Variants in PTPN14 observed in about 807,000 individuals in gnomAD.
The protein encoded by PTPN14 is protein tyrosine phosphatase non-receptor type 14, also known as tyrosine-protein phosphatase non-receptor type 14.
Under a neutral mutation model 126.8 loss-of-function variants are expected in PTPN14, and 53 were observed. That is an observed-to-expected ratio of 0.42 (90% confidence interval 0.34 to 0.53). The LOEUF (loss-of-function observed/expected upper bound fraction) is 0.53. PTPN14 is among the 20% of genes least tolerant of loss of function. The pLI is 0.08. For synonymous variants in PTPN14, 630 were observed against 599.3 expected (o/e 1.05, Z -0.75); for missense variants, 1,257 against 1,552.9 (o/e 0.81, Z 3.20).
intron 11 of PTPN14, 68 bp from the exon 12 acceptor site, chr1:214,386,990 C>T: frequency 7.1e-7 from 1 of 1,400,126 alleles, no homozygotes; most frequent in South Asian, 1.2e-5. Context: ...ACACAGCCGG[C>T]CCAGGCACAC....
intron 1 of PTPN14, among the ~76,000 whole-genome samples, chr1:214,467,757 G>A (rs1365269079): frequency 6.6e-6 from 1 of 152,148 alleles, no homozygotes; most frequent in Non-Finnish European, 1.5e-5. Flanking sequence ...TATCAGGAGC[G>A]ATGGCTTTAT....
chr1:214,428,909 G>C (rs1275350466), intron 3 of PTPN14, among the ~76,000 whole-genome samples: 3 of 152,050 alleles, frequency 2.0e-5, no homozygotes, highest in African/African-American at 7.2e-5. Context: ...AAAAAGATTG[G>C]GGAGAAAAAA....
At chr1:214,469,990 A>T (rs1361568402) in intron 1 of PTPN14, among the ~76,000 whole-genome samples, 2 of 152,198 alleles carry the variant, frequency 1.3e-5, no homozygotes, top group African/African-American at 4.8e-5. Flanking sequence ...AATACTACAA[A>T]GCTGCAACTC....
At chr1:214,547,676 T>C (rs985601456) in intron 1 of PTPN14, among the ~76,000 whole-genome samples, 4 of 152,220 alleles carry the variant, frequency 2.6e-5, no homozygotes, top group African/African-American at 9.6e-5. Context: ...TAACATTCTT[T>C]AATCAACTAG....
At chr1:214,358,217 G>A (rs1657870293) in intron 18 of PTPN14, among the ~76,000 whole-genome samples, 167 bp from the exon 19 acceptor site, 1 of 152,124 alleles carries the variant, frequency 6.6e-6, no homozygotes, top group Non-Finnish European at 1.5e-5. Context: ...GTTTATATCA[G>A]CAACTGGAGA....
chr1:214,392,481 TCA>T (rs1658779402), intron 10 of PTPN14, among the ~76,000 whole-genome samples: 2 of 152,168 alleles, frequency 1.3e-5, no homozygotes, highest in South Asian at 2.1e-4. Flanking sequence ...AATCCAGTTC[TCA>T]GTTTTTAAAT....
rs888754882 is a variant in PTPN14 at position 214,364,783 on chromosome 1, G to A, written c.3272-108C>T. ...TGATGGTGAGTGTGTGTGTGTGTGT[G>A]TGTGTGTGTGTGTGTGTGTGTGTTT... is the stretch of plus-strand genomic sequence containing the variant. On this transcript the variant is annotated intron_variant, in intron 17 of 18. Coordinates refer to ENST00000366956, the MANE Select transcript of PTPN14 (RefSeq NM_005401.5). The surrounding 1 kb of genome is among the most constrained non-coding windows in gnomAD (Gnocchi z 4.1). 15 of 849,400 alleles carry A rather than the reference G, an allele frequency of 1.8e-5. No homozygotes were observed. The highest frequency in any genetic ancestry group is 2.5e-5 in the Non-Finnish European group (14 of 559,814). 52.6% of individuals were successfully genotyped at this position (849,400 alleles called of 1,614,324 possible). A position where few individuals can be genotyped will look rare whatever the true frequency, so the allele number is the denominator to read the frequency against.
intron 7 of PTPN14, among the ~76,000 whole-genome samples, chr1:214,400,026 T>A (rs534912735): frequency 8.0e-6 from 1 of 124,646 alleles, no homozygotes; most frequent in African/African-American, 3.4e-5. Flanking sequence ...CTGTACAACA[T>A]CTGCATCTGC....
At chr1:214,388,840 A>G (rs562634197) in intron 11 of PTPN14, among the ~76,000 whole-genome samples, 9 of 152,344 alleles carry the variant, frequency 5.9e-5, no homozygotes, top group African/African-American at 1.7e-4. Flanking sequence ...GAAGAAACGC[A>G]CTGGCCAAGA....
At chr1:214,487,796 G>T (rs1190153176) in intron 1 of PTPN14, among the ~76,000 whole-genome samples, 1 of 152,194 alleles carries the variant, frequency 6.6e-6, no homozygotes. Flanking sequence ...AAGCTGGCTG[G>T]GTTGTAAGGC....
chr1:214,387,048 T>C (rs1311647144), intron 11 of PTPN14, 126 bp from the exon 12 acceptor site: 4 of 782,550 alleles, frequency 5.1e-6, no homozygotes, highest in Non-Finnish European at 8.4e-6. Flanking sequence ...CTGCTGTCCC[T>C]GCCACCCCTT....
intron 1 of PTPN14, among the ~76,000 whole-genome samples, chr1:214,498,890 C>T (rs1487596688): frequency 1.3e-5 from 2 of 152,090 alleles, no homozygotes; most frequent in Non-Finnish European, 2.9e-5. Context: ...CTTATAACAG[C>T]CTTGACCTCC....
chr1:214,403,643 G>A (rs1221280165), intron 5 of PTPN14, among the ~76,000 whole-genome samples: 1 of 152,246 alleles, frequency 6.6e-6, no homozygotes, highest in Non-Finnish European at 1.5e-5. Context: ...TAACACCACA[G>A]TGGGAGGATT....
chr1:214,388,318 T>G (rs910998481), intron 11 of PTPN14, among the ~76,000 whole-genome samples: 24 of 152,172 alleles, frequency 1.6e-4, no homozygotes, highest in South Asian at 2.1e-4. Context: ...TTGTTTGAAA[T>G]AAGAGTTTTG....
chr1:214,507,330 A>C (rs1248884432), intron 1 of PTPN14, among the ~76,000 whole-genome samples: 1 of 152,032 alleles, frequency 6.6e-6, no homozygotes, highest in Non-Finnish European at 1.5e-5. Context: ...TCAGCCCTCC[A>C]TGTCTGCAAA....
At chr1:214,532,626 CT>C in intron 1 of PTPN14, 1 of 891,564 alleles carries the variant, frequency 1.1e-6, no homozygotes, top group Non-Finnish European at 1.9e-6. Flanking sequence ...TGGACAATGC[CT>C]GCATCGTTCT....
intron 13 of PTPN14, among the ~76,000 whole-genome samples, chr1:214,378,385 A>G (rs1434150304): frequency 1.3e-5 from 2 of 152,238 alleles, no homozygotes; most frequent in South Asian, 4.1e-4. Flanking sequence ...GGGCAAAACA[A>G]AACAAAACAA....
At chr1:214,523,637 G>A (rs1027009536) in intron 1 of PTPN14, among the ~76,000 whole-genome samples, 1 of 152,142 alleles carries the variant, frequency 6.6e-6, no homozygotes, top group African/African-American at 2.4e-5. Context: ...AGCAACCACA[G>A]ATTTGACAAC....
chr1:214,414,498 T>C, intron 4 of PTPN14, 131 bp downstream of exon 4: 1 of 863,678 alleles, frequency 1.2e-6, no homozygotes, highest in South Asian at 1.7e-5. Flanking sequence ...TCACGTAAGA[T>C]AACTTGAAAT....
Sources: allele counts gnomAD v4.1 joint callset (sites outside exome capture counted in the v4.1 genomes callset), GRCh38; gene constraint gnomAD v4.1.1; non-coding constraint Gnocchi (gnomAD v3.1); transcripts MANE v1.5; gene names NCBI Gene and HGNC (gene_info 2026-07-23, HGNC 2026-07-21).